HERC4: variants seen among roughly 807,000 people sequenced by gnomAD.
The protein encoded by HERC4 is probable E3 ubiquitin-protein ligase HERC4.
Under a neutral mutation model 124.3 loss-of-function variants are expected in HERC4, and 28 were observed. That is an observed-to-expected ratio of 0.23 (90% CI 0.17 to 0.31). The LOEUF is 0.31. Ranked by LOEUF, HERC4 falls within the 10% of genes least tolerant of loss-of-function variation. HERC4 has a pLI of 1.00. For missense variants in HERC4, 713 were observed against 1,229.3 expected (o/e 0.58, Z 6.28); for synonymous variants, 407 against 421.5 (o/e 0.97, Z 0.42).
chr10:67,954,769 A>T (rs1429781268), intron 18 of HERC4, 31 bp from the exon 19 acceptor site: 1 of 1,598,642 alleles, frequency 6.3e-7, no homozygotes, highest in Admixed American at 1.7e-5. Context: ...CACCAAATAG[A>T]CTGTAAAGAA....
chr10:68,022,679 AAAAAT>A (rs1415795968), intron 8 of HERC4, among the ~76,000 whole-genome samples: 3 of 152,060 alleles, frequency 2.0e-5, no homozygotes, highest in African/African-American at 7.2e-5. Context: ...CAACAAAAGA[AAAAAT>A]AAACAAACTG....
At chr10:68,029,126 T>C (rs1203967061) in intron 7 of HERC4, among the ~76,000 whole-genome samples, 1 of 152,008 alleles carries the variant, frequency 6.6e-6, no homozygotes, top group Non-Finnish European at 1.5e-5. Flanking sequence ...TTCAGTGCAC[T>C]ATGACTGTGC....
In HERC4 at chr10:68,068,953, T is replaced by G. The variant is rs1981181; in HGVS notation, c.226+3930A>C. 5,886 of 645,012 alleles carry G rather than the reference T, an allele frequency of 9.1e-3. 32 individuals carry two copies. Among genetic ancestry groups the G allele is most frequent in the Middle Eastern group, 0.022 (28 of 1,250 alleles). The allele number at this position is 645,012 out of a possible 1,614,324, so 40.0% of individuals were successfully genotyped here. On this transcript the variant is annotated intron_variant, in intron 3 of 24. Transcript: ENST00000373700. ...GTGAGAATTAAATGAGATACTCCAT[T>G]TGAAAGAATGTTGTAAAACACAAAA...
intron 5 of HERC4, among the ~76,000 whole-genome samples, chr10:68,037,035 C>T (rs1224340846): frequency 6.6e-6 from 1 of 151,104 alleles, no homozygotes; most frequent in Non-Finnish European, 1.5e-5. Flanking sequence ...TTGTAGTAGG[C>T]TTCACTAAAT....
intron 9 of HERC4, chr10:68,010,319 G>C (rs2037866770): frequency 1.1e-6 from 1 of 938,490 alleles, no homozygotes. Flanking sequence ...TACCAAAATG[G>C]GAGCCTGGGG....
intron 15 of HERC4, among the ~76,000 whole-genome samples, chr10:67,985,058 T>C (rs771160657): frequency 1.3e-5 from 2 of 152,210 alleles, no homozygotes; most frequent in African/African-American, 2.4e-5. Flanking sequence ...AATGTTAGAA[T>C]AAAAATAATA....
chr10:68,074,686 G>T (rs1442018868), intron 1 of HERC4: 1 of 152,436 alleles, frequency 6.6e-6, no homozygotes, highest in African/African-American at 2.4e-5. Flanking sequence ...ACCGCAACCG[G>T]CCGCTCGCAA....
At chr10:68,034,291 G>T in intron 5 of HERC4, 105 bp from the exon 6 acceptor site, 1 of 801,152 alleles carries the variant, frequency 1.2e-6, no homozygotes, top group Non-Finnish European at 2.0e-6. Flanking sequence ...TATTATTTTG[G>T]GACATTCTGC....
intron 4 of HERC4, among the ~76,000 whole-genome samples, chr10:68,040,813 C>T (rs1319467934): frequency 1.3e-5 from 2 of 150,386 alleles, no homozygotes; most frequent in African/African-American, 2.5e-5. Flanking sequence ...GGCTTGAACC[C>T]AGGAGGCGGA....
intron 24 of HERC4, among the ~76,000 whole-genome samples, chr10:67,924,286 T>C (rs2030605697): frequency 1.3e-5 from 2 of 152,204 alleles, no homozygotes; most frequent in Admixed American, 6.5e-5. Context: ...ATTAATAACA[T>C]GTACATTCAT....
At chr10:68,031,284 T>C (rs1468099703) in intron 7 of HERC4, among the ~76,000 whole-genome samples, 1 of 152,196 alleles carries the variant, frequency 6.6e-6, no homozygotes, top group Non-Finnish European at 1.5e-5. Flanking sequence ...ATTAACATTG[T>C]TAGTCTTTCT....
chr10:67,934,051 A>AT (rs1289117479), intron 22 of HERC4, among the ~76,000 whole-genome samples: 7 of 152,212 alleles, frequency 4.6e-5, no homozygotes, highest in Non-Finnish European at 7.3e-5. Context: ...AAAGGCAACT[A>AT]TTTAACTCTT....
chr10:68,061,829 C>A (rs1275824935), intron 3 of HERC4, among the ~76,000 whole-genome samples: 8 of 130,144 alleles, frequency 6.1e-5, no homozygotes, highest in Non-Finnish European at 1.2e-4. Context: ...TGCAGTGAGC[C>A]GAGATGGTGC....
chr10:67,955,195 G>A, intron 17 of HERC4, 65 bp from the exon 18 acceptor site: 1 of 1,393,026 alleles, frequency 7.2e-7, no homozygotes, highest in East Asian at 2.6e-5. Flanking sequence ...ACTGAAACAA[G>A]CTAACCTCTA....
At chr10:67,946,625 T>C (rs1279648750) in intron 19 of HERC4, among the ~76,000 whole-genome samples, 1 of 152,040 alleles carries the variant, frequency 6.6e-6, no homozygotes, top group Non-Finnish European at 1.5e-5. Flanking sequence ...ATTACAAATA[T>C]AGGCCAGACG....
chr10:68,072,392 C>T (rs1276410829), intron 3 of HERC4, among the ~76,000 whole-genome samples: 1 of 152,034 alleles, frequency 6.6e-6, no homozygotes, highest in Non-Finnish European at 1.5e-5. Context: ...ATATTTCTAA[C>T]TAAATCAAAT....
At chr10:67,983,366 T>A (rs1564508185) in intron 15 of HERC4, among the ~76,000 whole-genome samples, 1 of 152,174 alleles carries the variant, frequency 6.6e-6, no homozygotes, top group Non-Finnish European at 1.5e-5. Context: ...ATCCCACTGC[T>A]GAGGAGCTAC....
intron 4 of HERC4, chr10:68,040,658 A>G (rs960843129): frequency 1.1e-4 from 18 of 167,190 alleles, no homozygotes; most frequent in African/African-American, 4.1e-4. Flanking sequence ...TGGGAGGCCA[A>G]GGCGAGCAGA....
chr10:68,039,077 C>T (rs12411712), intron 4 of HERC4, among the ~76,000 whole-genome samples: 7 of 149,736 alleles, frequency 4.7e-5, no homozygotes, highest in East Asian at 2.0e-4. Context: ...CCAAGGTAGG[C>T]GGATCACTTG....
Sources: allele counts gnomAD v4.1 joint callset (sites outside exome capture counted in the v4.1 genomes callset), GRCh38; gene constraint gnomAD v4.1.1; transcripts MANE v1.5; gene names NCBI Gene and HGNC (gene_info 2026-07-23, HGNC 2026-07-21).